Variants in SLC25A48 observed in about 807,000 individuals in gnomAD.
The protein encoded by SLC25A48 is solute carrier family 25 member 48.
SLC25A48 carries 29 observed loss-of-function variants against 32.2 expected under a neutral mutation model. The ratio of observed to expected loss-of-function variants is 0.90; its 90% CI spans 0.67 to 1.23. The LOEUF (loss-of-function observed/expected upper bound fraction) is 1.23. Ranked by LOEUF, SLC25A48 falls within the 50% of genes most tolerant of loss-of-function variation. SLC25A48 has a pLI of 0.00. For synonymous variants in SLC25A48, 164 were observed against 172.3 expected, an observed-to-expected ratio of 0.95 and a Z score of 0.38; for missense variants, 399 against 422.7, an observed-to-expected ratio of 0.94 and a Z score of 0.49.
At chr5:135,675,477 T>G (rs1753746411) in intron 3 of SLC25A48, among the ~76,000 whole-genome samples, 1 of 152,036 alleles carries the variant, frequency 6.6e-6, no homozygotes, top group African/African-American at 2.4e-5. Context: ...CACCAGTGTA[T>G]GTTCTTGGCA....
intron 4 of SLC25A48, among the ~76,000 whole-genome samples, chr5:135,818,708 G>A (rs1757799275): frequency 6.6e-6 from 1 of 152,122 alleles, no homozygotes; most frequent in Non-Finnish European, 1.5e-5. Context: ...CAAATGACCA[G>A]AAAAATGTGA....
intron 3 of SLC25A48, among the ~76,000 whole-genome samples, chr5:135,679,491 G>A (rs1245456736): frequency 6.6e-6 from 1 of 152,198 alleles, no homozygotes. Flanking sequence ...TACTTTGGTG[G>A]CAGTAACCAT....
chr5:135,788,483 A>G (rs1263964132), intron 3 of SLC25A48, among the ~76,000 whole-genome samples: 2 of 135,180 alleles, frequency 1.5e-5, no homozygotes, highest in Non-Finnish European at 3.2e-5. Flanking sequence ...AGAGGGTGAT[A>G]TTTCTTCCCA....
chr5:135,820,079 AC>A (rs144567008), intron 4 of SLC25A48, among the ~76,000 whole-genome samples: 57,887 of 151,958 alleles, frequency 0.38, 12,561 homozygotes, highest in Non-Finnish European at 0.49. Flanking sequence ...CTAGCTATTT[AC>A]CTAAGAGAAT....
intron 3 of SLC25A48, among the ~76,000 whole-genome samples, chr5:135,661,171 C>T (rs1407940860): frequency 6.6e-6 from 1 of 152,210 alleles, no homozygotes; most frequent in African/African-American, 2.4e-5. Context: ...TTCCCTAGCT[C>T]CCTCACCAGC....
chr5:135,624,610 C>T (rs1214744112), intron 1 of SLC25A48, among the ~76,000 whole-genome samples: 1 of 152,166 alleles, frequency 6.6e-6, no homozygotes, highest in Non-Finnish European at 1.5e-5. Flanking sequence ...ATGAATATGC[C>T]TTCCTGATTT....
At chr5:135,840,894 C>T (rs1015130597) in intron 1 of SLC25A48, among the ~76,000 whole-genome samples, 1 of 152,078 alleles carries the variant, frequency 6.6e-6, no homozygotes, top group Non-Finnish European at 1.5e-5. Flanking sequence ...GGTACTTGTA[C>T]TTGTTTTAGT....
At chr5:135,766,307 C>T (rs1756224951) in intron 3 of SLC25A48, among the ~76,000 whole-genome samples, 1 of 150,546 alleles carries the variant, frequency 6.6e-6, no homozygotes, top group Admixed American at 6.6e-5. Context: ...TATTAATCTT[C>T]ATATTGCGGT....
chr5:135,708,751 C>A (rs1417832034), intron 3 of SLC25A48, among the ~76,000 whole-genome samples: 1 of 152,104 alleles, frequency 6.6e-6, no homozygotes. Flanking sequence ...TGGGGAGAGC[C>A]CAGGTGTCTT....
chr5:135,759,280 A>G (rs1426182296), intron 3 of SLC25A48, among the ~76,000 whole-genome samples: 1 of 152,162 alleles, frequency 6.6e-6, no homozygotes, highest in East Asian at 1.9e-4. Context: ...CCACATAACA[A>G]ATGCTCTTGG....
At chr5:135,706,652 G>C (rs1754515195) in intron 3 of SLC25A48, among the ~76,000 whole-genome samples, 1 of 152,166 alleles carries the variant, frequency 6.6e-6, no homozygotes, top group African/African-American at 2.4e-5. Flanking sequence ...ACCTAGAGCT[G>C]CCTGGATGCC....
intron 4 of SLC25A48, among the ~76,000 whole-genome samples, chr5:135,829,417 C>T (rs980980727): frequency 2.6e-4 from 39 of 152,284 alleles, no homozygotes; most frequent in South Asian, 8.3e-4. Context: ...AGCCTCAACC[C>T]GCAGGTTGAC....
At chr5:135,880,745 A>C (rs1462629846) in intron 7 of SLC25A48, among the ~76,000 whole-genome samples, 1 of 151,446 alleles carries the variant, frequency 6.6e-6, no homozygotes, top group African/African-American at 2.4e-5. Context: ...CACTGTTCTG[A>C]ATGTCCCGCC....
At chr5:135,689,575 A>G (rs961940504) in intron 3 of SLC25A48, among the ~76,000 whole-genome samples, 3 of 151,918 alleles carry the variant, frequency 2.0e-5, no homozygotes, top group South Asian at 2.1e-4. Context: ...TGCCTTTTCA[A>G]AGATCTATTT....
chr5:135,722,324 C>CG (rs1456387084), intron 3 of SLC25A48, among the ~76,000 whole-genome samples: 2 of 152,164 alleles, frequency 1.3e-5, no homozygotes, highest in Non-Finnish European at 2.9e-5. Context: ...TTCTATACTA[C>CG]CTGCCCCAAG....
chr5:135,804,044 T>C (rs1279590816), intron 3 of SLC25A48, among the ~76,000 whole-genome samples: 1 of 151,612 alleles, frequency 6.6e-6, no homozygotes, highest in Non-Finnish European at 1.5e-5. Context: ...GAATCATATC[T>C]CCCTAAAATA....
intron 3 of SLC25A48, among the ~76,000 whole-genome samples, chr5:135,851,718 C>T (rs1759880866): frequency 6.6e-6 from 1 of 152,166 alleles, no homozygotes; most frequent in Non-Finnish European, 1.5e-5. Context: ...ACAATAGCTT[C>T]CCAGTACTTT....
chr5:135,677,980 T>G (rs1753809279), intron 3 of SLC25A48, among the ~76,000 whole-genome samples: 1 of 152,212 alleles, frequency 6.6e-6, no homozygotes, highest in Non-Finnish European at 1.5e-5. Flanking sequence ...ACAATTTGAC[T>G]ATAATGTGTC....
At chr5:135,757,667 CTA>C (rs1384332914) in intron 3 of SLC25A48, among the ~76,000 whole-genome samples, 2 of 149,254 alleles carry the variant, frequency 1.3e-5, no homozygotes, top group Non-Finnish European at 1.5e-5. Flanking sequence ...TTTATAATGT[CTA>C]GTGTTATCAC....
Sources: gnomAD v4.1 joint callset for allele counts (sites outside exome capture counted in the v4.1 genomes callset) on GRCh38, gnomAD v4.1.1 for gene constraint, MANE v1.5 for transcripts, NCBI Gene and HGNC (gene_info 2026-07-23, HGNC 2026-07-21) for gene names.